The following SEMA3A variants were observed in gnomAD, a reference collection of about 807,000 sequenced individuals.
The protein encoded by SEMA3A is semaphorin 3A.
SEMA3A carries 29 observed loss-of-function variants against 97.9 expected under a neutral mutation model. The ratio of observed to expected loss-of-function variants is 0.30; its 90% CI spans 0.22 to 0.40. The LOEUF (loss-of-function observed/expected upper bound fraction) is 0.40, where lower values mean the gene tolerates loss of function less well. SEMA3A is among the 10% of genes least tolerant of loss of function. The probability of loss-of-function intolerance (pLI) is 1.00; values close to 1 mark genes in which losing one functional copy is unlikely to be tolerated. For synonymous variants in SEMA3A, 321 were observed against 323.7 expected, an observed-to-expected ratio of 0.99 and a Z score of 0.09; for missense variants, 763 against 951.3, an observed-to-expected ratio of 0.80 and a Z score of 2.60.
intron 2 of SEMA3A, among the ~76,000 whole-genome samples, chr7:84,129,583 T>C (rs1226948429): frequency 6.6e-6 from 1 of 152,142 alleles, no homozygotes; most frequent in Non-Finnish European, 1.5e-5. Flanking sequence ...TATCATGAAA[T>C]AGTGATTTTG....
intron 1 of SEMA3A, among the ~76,000 whole-genome samples, chr7:84,407,382 T>A (rs377719640): frequency 6.6e-6 from 1 of 151,856 alleles, no homozygotes; most frequent in Admixed American, 6.6e-5. Flanking sequence ...CACTGCTCAA[T>A]GAAATAAAAG....
At chr7:84,445,423 G>A (rs1444861009) in intron 1 of SEMA3A, among the ~76,000 whole-genome samples, 3 of 139,582 alleles carry the variant, frequency 2.1e-5, no homozygotes, top group African/African-American at 8.0e-5. Flanking sequence ...GAACCCAGGA[G>A]GCAGAGCTTC....
At chr7:84,186,796 A>T (rs1797900974) in intron 1 of SEMA3A, among the ~76,000 whole-genome samples, 1 of 152,034 alleles carries the variant, frequency 6.6e-6, no homozygotes, top group Non-Finnish European at 1.5e-5. Flanking sequence ...TTGTAAGTTC[A>T]TTTTATTCTA....
chr7:84,167,391 C>T (rs1797246183), intron 1 of SEMA3A, among the ~76,000 whole-genome samples: 2 of 152,172 alleles, frequency 1.3e-5, no homozygotes, highest in Non-Finnish European at 2.9e-5. Flanking sequence ...GGCTAAGCCA[C>T]AGTCTCTATT....
intron 3 of SEMA3A, among the ~76,000 whole-genome samples, chr7:84,283,696 T>C (rs996853066): frequency 9.9e-5 from 15 of 152,066 alleles, no homozygotes; most frequent in African/African-American, 3.4e-4. Context: ...TTAAACATAA[T>C]AATAAATAAA....
At chr7:84,350,720 AAG>A (rs765431829) in intron 2 of SEMA3A, among the ~76,000 whole-genome samples, 14 of 152,198 alleles carry the variant, frequency 9.2e-5, no homozygotes, top group Non-Finnish European at 2.1e-4. Flanking sequence ...GCTTAAACCA[AAG>A]AATGATCAGA....
chr7:84,410,998 G>A (rs144772583), intron 1 of SEMA3A, among the ~76,000 whole-genome samples: 11 of 152,122 alleles, frequency 7.2e-5, no homozygotes, highest in African/African-American at 2.6e-4. Context: ...AAATCTGAAG[G>A]TTTAAGATAG....
At chr7:83,985,504 G>A (rs2116329942) in intron 12 of SEMA3A, 27 bp from the exon 13 acceptor site, 1 of 1,598,952 alleles carries the variant, frequency 6.3e-7, no homozygotes, top group Non-Finnish European at 8.6e-7. Flanking sequence ...AATATGTGAG[G>A]TGTTTGGTCA....
intron 1 of SEMA3A, among the ~76,000 whole-genome samples, chr7:84,467,325 A>T (rs904122133): frequency 6.6e-6 from 1 of 152,038 alleles, no homozygotes; most frequent in South Asian, 2.1e-4. Flanking sequence ...GATCGAGACC[A>T]TCCTGGCTAA....
rs906345912 is a variant in SEMA3A, at chr7:84,185,546, C to A, written c.112+8929G>T. 8.6e-5 allele frequency among the ~76,000 whole-genome samples: 13 copies of A among 151,392 alleles called. 1 individual carries two copies. The Middle Eastern group carries it at 0.014, about 160-fold the overall frequency. On this transcript the variant is annotated intron_variant, in intron 1 of 16. Transcript: ENST00000265362. ...AAAAATAAAAAAAATAAAAAATTAG[C>A]CAGGCATGGTGATACATGCCCATAA...
intron 1 of SEMA3A, among the ~76,000 whole-genome samples, chr7:84,468,099 C>A (rs187493371): frequency 6.6e-6 from 1 of 152,114 alleles, no homozygotes. Flanking sequence ...TCTAGTCCAA[C>A]GAACTCATTG....
chr7:83,980,605 A>AAAAAAAAAAAAAAC lies in SEMA3A; in HGVS notation c.1652+715_1652+716insGTTTTTTTTTTTTT, dbSNP rs1267149205. Among the ~76,000 whole-genome samples, 13 of 47,544 alleles carry AAAAAAAAAAAAAAC rather than the reference A, an allele frequency of 2.7e-4. 1 individual carries two copies. The highest frequency in any genetic ancestry group is 7.9e-4 in the Admixed American group (3 of 3,796). 31.2% of individuals were successfully genotyped at this position (47,544 alleles called of 152,430 possible). A position where few individuals can be genotyped will look rare whatever the true frequency, so the allele number is the denominator to read the frequency against. On this transcript the variant is annotated intron_variant, in intron 14 of 16. Coordinates refer to ENST00000265362, the MANE Select transcript of SEMA3A (RefSeq NM_006080.3). ...GGTGACAGAGTGAGACTCCATCTCAAAAAAAAAAAAAAAAAAAAATATATA... is the reference window on the plus strand; with the variant it reads ...GGTGACAGAGTGAGACTCCATCTCAAAAAAAAAAAAAAACAAAAAAAAAAAAAAAAAAATATATA...
rs1788414814 is a variant in SEMA3A, at chr7:83,960,214, A to G, written c.*1157T>C. The G allele has an allele frequency of 6.6e-6, 1 of 152,060 alleles. No individual in the cohort carries two copies. Among genetic ancestry groups the G allele is most frequent in the Non-Finnish European group, 1.5e-5 (1 of 67,944 alleles). The allele number at this position is 152,060 out of a possible 1,614,324, so 9.4% of individuals were successfully genotyped here. The stretch of plus-strand genomic sequence containing the variant: ...CATAAGAGAGATCTTAGTCTCAAAT[A>G]TCATGCAGGGATTCAAGCACGGAAT... On this transcript the variant is annotated 3_prime_UTR_variant, in exon 17 of 17. Coordinates refer to ENST00000265362, the MANE Select transcript of SEMA3A (RefSeq NM_006080.3).
chr7:84,194,529 C>T lies in SEMA3A; in HGVS notation c.58G>A (p.Ala20Thr), dbSNP rs1416953981. 2 of 1,613,488 alleles carry T rather than the reference C, an allele frequency of 1.2e-6. No individual in the cohort carries two copies. Among genetic ancestry groups the T allele is most frequent in the Admixed American group, 1.7e-5 (1 of 59,998 alleles). Reference protein sequence around the residue: ...LFWGVLLTARANYQNGKNNVP... With the variant: ...LFWGVLLTARTNYQNGKNNVP... ...TTGTTCTTCCCATTCTGATAGTTTG[C>T]TCTTGCTGTAAGTAATACTCCCCAG... The change falls in exon 1 of 17, where the codon GCA becomes ACA. Residue 20 changes from alanine (A) to threonine (T), a missense_variant. Physicochemically the swap from Ala to Thr is moderately conservative, Grantham distance 58. This residue lies in a region of SEMA3A where 85 missense variants were observed against 70.0 expected (regional missense o/e 1.21). Coordinates refer to ENST00000265362, the MANE Select transcript of SEMA3A (RefSeq NM_006080.3).
chr7:83,959,379 C>T lies in SEMA3A; in HGVS notation c.*1992G>A, dbSNP rs904901925. 2.0e-5 allele frequency: 3 copies of T among 151,972 alleles called. No individual in the cohort carries two copies. Among genetic ancestry groups the T allele is most frequent in the Admixed American group, 1.3e-4 (2 of 15,230 alleles). 9.4% of individuals were successfully genotyped at this position (151,972 alleles called of 1,614,324 possible). A position where few individuals can be genotyped will look rare whatever the true frequency, so the allele number is the denominator to read the frequency against. Reference sequence around the variant, plus strand: ...ATTTTTTGGAGCACTCTTTGTTCTTCGATTTATATTTGAAACACTACTTTC... The same window carrying T: ...ATTTTTTGGAGCACTCTTTGTTCTTTGATTTATATTTGAAACACTACTTTC... On this transcript the variant is annotated 3_prime_UTR_variant, in exon 17 of 17. Transcript: ENST00000265362.
At chr7:84,127,574 AAT>A (rs1404925089) in intron 3 of SEMA3A, among the ~76,000 whole-genome samples, 1 of 152,204 alleles carries the variant, frequency 6.6e-6, no homozygotes, top group African/African-American at 2.4e-5. Flanking sequence ...CTATATGTTT[AAT>A]ATATAATTTT....
chr7:84,468,857 CTT>C lies in SEMA3A; in HGVS notation c.-246+23601_-246+23602del, dbSNP rs1249476405. 9.9e-5 allele frequency among the ~76,000 whole-genome samples: 15 copies of C among 151,188 alleles called. 1 individual carries two copies. Among genetic ancestry groups the C allele is most frequent in the South Asian group, 2.1e-4 (1 of 4,774 alleles). On this transcript the variant is annotated intron_variant, in intron 1 of 3. Coordinates refer to the SEMA3A transcript ENST00000424555. ...AAATGATTCTCTTTAGTAAAATACT[CTT>C]ATTTCATAACAGCTAGGTCAATCTT...
intron 1 of SEMA3A, among the ~76,000 whole-genome samples, chr7:84,161,991 C>T (rs1797050558): frequency 6.6e-6 from 1 of 151,808 alleles, no homozygotes; most frequent in African/African-American, 2.4e-5. Context: ...GACCCTAATT[C>T]CCAATCCTTC....
At chr7:84,489,924 C>G (rs1006753892) in intron 1 of SEMA3A, among the ~76,000 whole-genome samples, 4 of 151,820 alleles carry the variant, frequency 2.6e-5, no homozygotes, top group Admixed American at 6.6e-5. Context: ...TTCCTCTAAG[C>G]ATATAGCAAT....
Sources: allele counts gnomAD v4.1 joint callset (sites outside exome capture counted in the v4.1 genomes callset), GRCh38; gene constraint gnomAD v4.1.1; regional missense constraint gnomAD v4.1.1; transcripts MANE v1.5; gene names NCBI Gene and HGNC (gene_info 2026-07-23, HGNC 2026-07-21).